Variants in RUVBL1 observed in about 807,000 individuals in gnomAD.
RUVBL1 encodes the protein RuvB like AAA ATPase 1.
A neutral mutation model predicts 52.4 loss-of-function variants in RUVBL1; 4 were observed. That is an observed-to-expected ratio of 0.08 (90% CI 0.04 to 0.17). The LOEUF (loss-of-function observed/expected upper bound fraction) is 0.17, where lower values mean the gene tolerates loss of function less well. RUVBL1 is among the 10% of genes least tolerant of loss of function. The pLI, the probability that RUVBL1 is intolerant of heterozygous loss-of-function variation, is 1.00. For synonymous variants in RUVBL1, 217 were observed against 214.4 expected (o/e 1.01, Z -0.10); for missense variants, 298 against 572.8 (o/e 0.52, Z 4.90).
intron 1 of RUVBL1, among the ~76,000 whole-genome samples, chr3:128,122,675 T>G (rs1448367758): frequency 6.6e-6 from 1 of 152,232 alleles, no homozygotes; most frequent in Non-Finnish European, 1.5e-5. Context: ...AACTTTATAT[T>G]AAGTGAAGAT....
intron 1 of RUVBL1, among the ~76,000 whole-genome samples, chr3:128,130,613 A>T (rs868675622): frequency 0.12 from 14,962 of 124,810 alleles, 1,067 homozygotes; most frequent in African/African-American, 0.17. Flanking sequence ...AAAAAAAAAA[A>T]ATTTTATTTA....
chr3:128,095,946 C>T (rs1005990637), intron 8 of RUVBL1, among the ~76,000 whole-genome samples: 1 of 152,114 alleles, frequency 6.6e-6, no homozygotes, highest in African/African-American at 2.4e-5. Context: ...TAAAGCTTCT[C>T]TATTAAAAGC....
At chr3:128,085,414 G>A (rs1031694123) in intron 9 of RUVBL1, among the ~76,000 whole-genome samples, 3 of 152,276 alleles carry the variant, frequency 2.0e-5, no homozygotes, top group Non-Finnish European at 2.9e-5. Flanking sequence ...GCTATGTCCC[G>A]CAGTAAGAAT....
intron 8 of RUVBL1, among the ~76,000 whole-genome samples, chr3:128,096,194 C>T (rs1395919052): frequency 2.0e-5 from 3 of 152,194 alleles, no homozygotes; most frequent in Non-Finnish European, 4.4e-5. Flanking sequence ...TTTGTGCCCC[C>T]AGCACTGCAG....
intron 1 of RUVBL1, among the ~76,000 whole-genome samples, chr3:128,122,927 T>G (rs946076739): frequency 6.6e-6 from 1 of 152,216 alleles, no homozygotes; most frequent in African/African-American, 2.4e-5. Context: ...GTACTTGGCA[T>G]CACCAGCACT....
intron 1 of RUVBL1, among the ~76,000 whole-genome samples, chr3:128,120,709 A>G (rs964569362): frequency 2.6e-5 from 4 of 152,184 alleles, no homozygotes; most frequent in African/African-American, 4.8e-5. Context: ...TGGACTGTGA[A>G]GTACCTTGGT....
rs1463603104 is a variant in RUVBL1 at position 128,115,987 on chromosome 3, C to T, written c.229-2967G>A. Among the ~76,000 whole-genome samples, 3 of 151,740 alleles carry T rather than the reference C, an allele frequency of 2.0e-5. No homozygotes were observed. The South Asian group carries it at 6.2e-4, about 32-fold the overall frequency. ...CGAAAACTACAAAAATTAGCCAAAG[C>T]GTGGTGGTGTGCACCTGTAGTCCCA... is the stretch of plus-strand genomic sequence containing the variant. On this transcript the variant is annotated intron_variant, in intron 2 of 10. Coordinates refer to ENST00000322623, the MANE Select transcript of RUVBL1 (RefSeq NM_003707.3).
intron 9 of RUVBL1, chr3:128,071,752 G>T (rs1008608640): frequency 6.6e-6 from 1 of 152,660 alleles, no homozygotes; most frequent in Non-Finnish European, 1.5e-5. Context: ...GCAAAGCTTG[G>T]TTGCAGCTTT....
chr3:128,094,615 C>T (rs866565440), intron 8 of RUVBL1, among the ~76,000 whole-genome samples: 4 of 152,186 alleles, frequency 2.6e-5, no homozygotes, highest in Non-Finnish European at 5.9e-5. Flanking sequence ...CAGGTAACCT[C>T]CCATTTGAGT....
chr3:128,102,945 G>A lies in RUVBL1; in HGVS notation c.514-1297C>T, dbSNP rs559128260. ...TGGCAGAACTGCTGTGAGTCTGTGC[G>A]CCTAAGGACAAAAGTGGGTGAGGCC... On this transcript the variant is annotated intron_variant, in intron 4 of 10. Coordinates refer to ENST00000322623, the MANE Select transcript of RUVBL1 (RefSeq NM_003707.3). 1.9e-4 allele frequency among the ~76,000 whole-genome samples: 29 copies of A among 152,312 alleles called. No homozygotes were observed. In the South Asian group the frequency reaches 3.5e-3, roughly 19 times the overall value.
rs576613588 is a variant in RUVBL1, at chr3:128,112,901, G to A, written c.348C>T (p.Phe116=). The stretch of plus-strand genomic sequence containing the variant: ...GACACTACTTACCAATGGCCCTGCG[G>A]AAGTTCTCCATCAGCACCTCTGTCT... ...IKKTEVLMEN[F]RRAIGLRIKE... The change falls in exon 3 of 11, where the codon TTC becomes TTT. Residue 116 remains phenylalanine, a synonymous_variant. Coordinates refer to ENST00000322623, the MANE Select transcript of RUVBL1 (RefSeq NM_003707.3). 1 of 1,613,844 alleles carries A rather than the reference G, an allele frequency of 6.2e-7. No individual in the cohort carries two copies. The highest frequency in any genetic ancestry group is 1.3e-5 in the African/African-American group (1 of 75,026).
exon 10 of RUVBL1, chr3:128,064,842 C>A: frequency 6.5e-7 from 1 of 1,535,888 alleles, no homozygotes; most frequent in Non-Finnish European, 8.8e-7. Context: ...GTTGCCTGTT[C>A]GTTCCTTCAT....
chr3:128,122,690 G>T (rs1196705798), intron 1 of RUVBL1, among the ~76,000 whole-genome samples: 1 of 152,194 alleles, frequency 6.6e-6, no homozygotes, highest in East Asian at 1.9e-4. Context: ...GAAGATTTTT[G>T]TAGAAGCTAA....
Position 128,080,983 on chromosome 3 carries a change from T to TA in RUVBL1, c.*266dup. The TA allele has an allele frequency of 2.6e-6, 1 of 391,364 alleles. No homozygotes were observed. Among genetic ancestry groups the TA allele is most frequent in the Non-Finnish European group, 4.6e-6 (1 of 219,042 alleles). The allele number at this position is 391,364 out of a possible 1,614,324, so 24.2% of individuals were successfully genotyped here. On this transcript the variant is annotated 3_prime_UTR_variant, in exon 11 of 11. Transcript: ENST00000322623. ...AAAACTGTTCTGAAAAGTTTATTTTTAAAAAACTTAGAGAGAGAGAGAGAG... is the reference window on the plus strand; with the variant it reads ...AAAACTGTTCTGAAAAGTTTATTTTTAAAAAAACTTAGAGAGAGAGAGAGAG...
At chr3:128,110,508 A>G (rs1163660317) in intron 3 of RUVBL1, among the ~76,000 whole-genome samples, 1 of 152,122 alleles carries the variant, frequency 6.6e-6, no homozygotes, top group Non-Finnish European at 1.5e-5. Flanking sequence ...AAAAAATCCA[A>G]TATTTCATGG....
intron 1 of RUVBL1, among the ~76,000 whole-genome samples, chr3:128,149,812 G>A (rs1408815078): frequency 1.3e-5 from 2 of 152,216 alleles, no homozygotes; most frequent in Admixed American, 1.3e-4. Flanking sequence ...TCTCAGCATT[G>A]GTGAGATTCT....
chr3:128,069,890 G>T, intron 9 of RUVBL1: 1 of 537,338 alleles, frequency 1.9e-6, no homozygotes, highest in Non-Finnish European at 3.3e-6. Context: ...TCAGCCGACT[G>T]CCAGAGAAGT....
At chr3:128,069,632 G>A (rs372008594) in intron 9 of RUVBL1, 4 of 1,614,026 alleles carry the variant, frequency 2.5e-6, no homozygotes, top group Non-Finnish European at 3.4e-6. Context: ...AGCAAAGCGA[G>A]GTTGGCAGCA....
intron 3 of RUVBL1, among the ~76,000 whole-genome samples, chr3:128,111,122 G>A (rs1441708520): frequency 6.6e-6 from 1 of 151,654 alleles, no homozygotes; most frequent in East Asian, 1.9e-4. Context: ...CTATTCAGGA[G>A]GCTGAGGCAC....
Sources: allele counts gnomAD v4.1 joint callset (sites outside exome capture counted in the v4.1 genomes callset), GRCh38; gene constraint gnomAD v4.1.1; transcripts MANE v1.5; gene names NCBI Gene and HGNC (gene_info 2026-07-23, HGNC 2026-07-21).